The following PPIP5K2 variants were observed in gnomAD, a reference collection of about 807,000 sequenced individuals.
The protein encoded by PPIP5K2 is inositol hexakisphosphate and diphosphoinositol-pentakisphosphate kinase 2.
Under a neutral mutation model 154.6 loss-of-function variants are expected in PPIP5K2, and 105 were observed. The ratio of observed to expected loss-of-function variants is 0.68; its 90% confidence interval spans 0.58 to 0.80. The LOEUF is 0.80. Ranked by LOEUF, PPIP5K2 falls within the 30% of genes least tolerant of loss-of-function variation. The probability of loss-of-function intolerance (pLI) is 0.00; values close to 1 mark genes in which losing one functional copy is unlikely to be tolerated. For missense variants in PPIP5K2, 992 were observed against 1,504.6 expected (o/e 0.66, Z 5.64); for synonymous variants, 480 against 490.3 (o/e 0.98, Z 0.28).
rs1797275162 is a variant in PPIP5K2 at position 103,167,292 on chromosome 5, A to G, written c.2034A>G (p.Arg678=). The G allele has an allele frequency of 2.5e-6, 4 of 1,590,572 alleles. No individual in the cohort carries two copies. The highest frequency in any genetic ancestry group is 3.4e-6 in the Non-Finnish European group (4 of 1,169,262). ...SLIQSLTSQI[R]HRMEDPKSSD... ...TTCAGAGTTTGACTTCTCAAATCAG[A>G]CATCGAATGGAAGATCCTAAATCAT... Residue 678 remains arginine, a synonymous_variant, in exon 18 of 31, where the codon AGA becomes AGG. Coordinates refer to ENST00000358359, the MANE Select transcript of PPIP5K2 (RefSeq NM_001276277.3).
intron 4 of PPIP5K2, among the ~76,000 whole-genome samples, chr5:103,137,788 A>C (rs1554204932): frequency 6.6e-6 from 1 of 152,086 alleles, no homozygotes; most frequent in Non-Finnish European, 1.5e-5. Flanking sequence ...AATTTAAAAC[A>C]TTTTCTCTAC....
chr5:103,129,149 T>A (rs763638800), intron 1 of PPIP5K2, among the ~76,000 whole-genome samples, 157 bp from the exon 2 acceptor site: 1 of 152,184 alleles, frequency 6.6e-6, no homozygotes, highest in Non-Finnish European at 1.5e-5. Flanking sequence ...TTTTTGCTTT[T>A]ATTATAAGTA....
chr5:103,182,543 A>G (rs1554223272), intron 24 of PPIP5K2, among the ~76,000 whole-genome samples: 1 of 152,198 alleles, frequency 6.6e-6, no homozygotes, highest in Non-Finnish European at 1.5e-5. Flanking sequence ...CATTTTGTGC[A>G]AGTAGATTTT....
chr5:103,194,228 C>T (rs1384960107), intron 29 of PPIP5K2, among the ~76,000 whole-genome samples: 1 of 151,416 alleles, frequency 6.6e-6, no homozygotes, highest in East Asian at 2.0e-4. Context: ...AGTGCAGTGG[C>T]ACAAGTATGG....
At chr5:103,183,179 T>C in intron 24 of PPIP5K2, 55 bp from the exon 25 acceptor site, 1 of 346,942 alleles carries the variant, frequency 2.9e-6, no homozygotes, top group Non-Finnish European at 3.7e-6. Context: ...TGCTCTGCTT[T>C]TTTTTTTTTT....
Position 103,173,870 on chromosome 5 carries a change from TG to T in PPIP5K2, c.2428del (p.Val810PhefsTer48), listed in dbSNP as rs1554220154. On this transcript the variant is annotated frameshift_variant, in exon 21 of 31. Coordinates refer to ENST00000358359, the MANE Select transcript of PPIP5K2 (RefSeq NM_001276277.3). LOFTEE classifies it high-confidence loss of function. ...CTTCTAATTTTAGGTATTCTAGAGG[TG>T]TTCTGTCTCCTGAACGTCATGTTCG... Reference protein sequence around the residue: ...NKLHPVYSRGVLSPERHVRTR... With the variant: ...NKLHPVYSRGXLSPERHVRTR... 1 of 1,589,276 alleles carries T rather than the reference TG, an allele frequency of 6.3e-7. No homozygotes were observed. The highest frequency in any genetic ancestry group is 1.3e-5 in the African/African-American group (1 of 74,206).
intron 2 of PPIP5K2, 61 bp from the exon 3 acceptor site, chr5:103,133,392 A>G (rs1790962339): frequency 7.2e-7 from 1 of 1,388,632 alleles, no homozygotes; most frequent in Non-Finnish European, 9.8e-7. Flanking sequence ...ACAAATGAAG[A>G]TAGCTGTACT....
At chr5:103,128,089 A>G (rs1400447067) in intron 1 of PPIP5K2, among the ~76,000 whole-genome samples, 2 of 152,196 alleles carry the variant, frequency 1.3e-5, no homozygotes, top group African/African-American at 2.4e-5. Context: ...AAAGATGGTT[A>G]AAGTGAAGGC....
intron 19 of PPIP5K2, among the ~76,000 whole-genome samples, chr5:103,172,665 A>G (rs879995788): frequency 4.6e-5 from 7 of 151,820 alleles, no homozygotes; most frequent in Non-Finnish European, 8.8e-5. Context: ...TGATAATTTC[A>G]TGGAATCTTT....
At chr5:103,154,341 A>G (rs1288550816) in intron 11 of PPIP5K2, among the ~76,000 whole-genome samples, 1 of 152,038 alleles carries the variant, frequency 6.6e-6, no homozygotes, top group Admixed American at 6.5e-5. Flanking sequence ...GCCATTAAGT[A>G]TGTGTTGACA....
In PPIP5K2 at chr5:103,203,663, C is replaced by T. The variant is rs1299414677; in HGVS notation, c.*2029C>T. The T allele has an allele frequency of 6.6e-6, 1 of 152,146 alleles. No individual in the cohort carries two copies. The highest frequency in any genetic ancestry group is 1.5e-5 in the Non-Finnish European group (1 of 68,038). 9.4% of individuals were successfully genotyped at this position (152,146 alleles called of 1,614,324 possible). On this transcript the variant is annotated 3_prime_UTR_variant, in exon 31 of 31. Coordinates refer to ENST00000358359, the MANE Select transcript of PPIP5K2 (RefSeq NM_001276277.3). ...CTTCTTAGAGCCCAGTCCTCCATCC[C>T]AAAGAGGTGAACTAGCCCAGCATGA...
intron 5 of PPIP5K2, among the ~76,000 whole-genome samples, chr5:103,142,618 C>CA (rs570164522): frequency 1.8e-4 from 27 of 151,778 alleles, no homozygotes; most frequent in East Asian, 9.7e-4. Flanking sequence ...ACTAAAAATA[C>CA]AAAAAAAATT....
rs575559772 is a variant in PPIP5K2 at position 103,149,789 on chromosome 5, C to T, written c.906+476C>T. On this transcript the variant is annotated intron_variant, in intron 8 of 30. Coordinates refer to ENST00000358359, the MANE Select transcript of PPIP5K2 (RefSeq NM_001276277.3). ...TTGGCTCACTGCAACCTCTGCCTCC[C>T]GGGTTCAAGCGATTCTCCTGCCTCA... Among the ~76,000 whole-genome samples, 15 of 151,834 alleles carry T rather than the reference C, an allele frequency of 9.9e-5. No homozygotes were observed. The East Asian group carries it at 2.1e-3, about 22-fold the overall frequency.
intron 23 of PPIP5K2, among the ~76,000 whole-genome samples, chr5:103,179,474 A>C (rs1799185726): frequency 6.6e-6 from 1 of 152,086 alleles, no homozygotes; most frequent in Non-Finnish European, 1.5e-5. Context: ...ACTGTGTCTT[A>C]TTCATCTGTG....
chr5:103,148,853 A>G (rs1426482895), intron 7 of PPIP5K2, among the ~76,000 whole-genome samples: 7 of 151,954 alleles, frequency 4.6e-5, no homozygotes, highest in African/African-American at 1.5e-4. Flanking sequence ...TTGTTAAACT[A>G]AAACAATTTG....
At chr5:103,172,428 A>G (rs1798106462) in intron 19 of PPIP5K2, among the ~76,000 whole-genome samples, 2 of 151,088 alleles carry the variant, frequency 1.3e-5, no homozygotes, top group Non-Finnish European at 3.0e-5. Context: ...GAAATATCCT[A>G]GAATGAACTT....
rs146937396 is a variant in PPIP5K2 at position 103,172,342 on chromosome 5, A to T, written c.2287-813A>T. ...ATTTTCTTTATTAGGCAGTTTTGAG[A>T]TCTATTGTCTGTACTGATGTTATTC... On this transcript the variant is annotated intron_variant, in intron 19 of 30. Transcript: ENST00000358359. 4.1e-3 allele frequency among the ~76,000 whole-genome samples: 618 copies of T among 150,956 alleles called. 3 individuals carry two copies. The highest frequency in any genetic ancestry group is 0.015 in the African/African-American group (604 of 41,236).
At chr5:103,193,721 A>G (rs1801629592) in intron 29 of PPIP5K2, among the ~76,000 whole-genome samples, 1 of 152,126 alleles carries the variant, frequency 6.6e-6, no homozygotes, top group Admixed American at 6.6e-5. Context: ...TAAATGAATA[A>G]TCATTCATTG....
At chr5:103,201,280 A>G (rs1298135869) in intron 30 of PPIP5K2, among the ~76,000 whole-genome samples, 3 of 152,222 alleles carry the variant, frequency 2.0e-5, no homozygotes, top group African/African-American at 7.2e-5. Flanking sequence ...TTCATTTCCT[A>G]GGAAGCATGT....
Sources: gnomAD v4.1 joint callset for allele counts (sites outside exome capture counted in the v4.1 genomes callset) on GRCh38, gnomAD v4.1.1 for gene constraint, MANE v1.5 for transcripts, NCBI Gene and HGNC (gene_info 2026-07-23, HGNC 2026-07-21) for gene names.